The following TXNDC16 variants were observed in gnomAD, a reference collection of about 807,000 sequenced individuals.
TXNDC16 encodes the protein thioredoxin domain-containing protein 16.
Under a neutral mutation model 85.6 loss-of-function variants are expected in TXNDC16, and 74 were observed. The ratio of observed to expected loss-of-function variants is 0.86; its 90% CI spans 0.72 to 1.05. The LOEUF is 1.05. Ranked by LOEUF, TXNDC16 falls within the 50% of genes least tolerant of loss-of-function variation. The probability of loss-of-function intolerance (pLI) is 0.00; values close to 1 mark genes in which losing one functional copy is unlikely to be tolerated. For missense variants in TXNDC16, 959 were observed against 947.0 expected (o/e 1.01, Z -0.17); for synonymous variants, 335 against 326.5 (o/e 1.03, Z -0.28).
At chr14:52,491,751 T>A (rs1363711608) in intron 9 of TXNDC16, among the ~76,000 whole-genome samples, 3 of 152,062 alleles carry the variant, frequency 2.0e-5, no homozygotes, top group Non-Finnish European at 4.4e-5. Flanking sequence ...AATACACACA[T>A]CTAATTTCAC....
At chr14:52,470,820 A>G (rs2140132455) in intron 14 of TXNDC16, 140 bp from the exon 15 acceptor site, 1 of 724,828 alleles carries the variant, frequency 1.4e-6, no homozygotes, top group Non-Finnish European at 2.1e-6. Context: ...TCTTCCCTTG[A>G]TCTTTGCAAC....
Position 52,511,328 on chromosome 14 carries a change from G to C in TXNDC16, c.668C>G (p.Thr223Ser), listed in dbSNP as rs770249163. Reference sequence around the variant, plus strand: ...CATTAGTGTTCTTCTACATTGCTGGGTCAAGTCCAAGACTAGTTTACAATG... The same window carrying C: ...CATTAGTGTTCTTCTACATTGCTGGCTCAAGTCCAAGACTAGTTTACAATG... ...FFHCKLVLDL[T>S]QQCRRTLMEQ... Residue 223 changes from threonine to serine, a missense_variant, in exon 9 of 21, where the codon ACC (threonine) becomes AGC (serine). Physicochemically the swap from Thr to Ser is moderately conservative, Grantham distance 58 (BLOSUM62 1). Coordinates refer to ENST00000281741, the MANE Select transcript of TXNDC16 (RefSeq NM_020784.3). 1 of 1,607,634 alleles carries C rather than the reference G, an allele frequency of 6.2e-7. No homozygotes were observed. The highest frequency in any genetic ancestry group is 1.1e-5 in the South Asian group (1 of 90,208).
intron 9 of TXNDC16, among the ~76,000 whole-genome samples, chr14:52,509,847 G>A (rs1316712345): frequency 1.3e-5 from 2 of 151,984 alleles, no homozygotes; most frequent in Non-Finnish European, 2.9e-5. Flanking sequence ...AGGTGTGGTG[G>A]CAGGTGCCTG....
intron 6 of TXNDC16, among the ~76,000 whole-genome samples, chr14:52,533,782 T>C (rs535944318): frequency 7.2e-5 from 11 of 152,238 alleles, no homozygotes; most frequent in East Asian, 1.9e-4. Context: ...CACTTCTTTA[T>C]GGACCCATGG....
intron 4 of TXNDC16, among the ~76,000 whole-genome samples, chr14:52,538,211 T>TAA (rs1409513966): frequency 6.6e-6 from 1 of 152,340 alleles, no homozygotes; most frequent in South Asian, 2.1e-4. Context: ...GGCTGACTGA[T>TAA]ACTTTTGCTC....
intron 18 of TXNDC16, among the ~76,000 whole-genome samples, chr14:52,452,907 G>T (rs1396420859): frequency 6.6e-6 from 1 of 152,058 alleles, no homozygotes; most frequent in African/African-American, 2.4e-5. Flanking sequence ...CCCACAGAAT[G>T]GGAGAAAATA....
intron 8 of TXNDC16, among the ~76,000 whole-genome samples, chr14:52,511,705 T>C (rs1460106050): frequency 6.6e-6 from 1 of 152,162 alleles, no homozygotes; most frequent in Non-Finnish European, 1.5e-5. Context: ...CATAAAAAGC[T>C]GTCACCTTGC....
At chr14:52,439,033 G>C (rs920053050) in intron 20 of TXNDC16, among the ~76,000 whole-genome samples, 171 bp downstream of exon 20, 3 of 152,150 alleles carry the variant, frequency 2.0e-5, no homozygotes, top group African/African-American at 7.2e-5. Context: ...CAGGGGAGCC[G>C]ATCACTGACT....
chr14:52,537,485 T>G, intron 5 of TXNDC16, 114 bp downstream of exon 5: 1 of 768,650 alleles, frequency 1.3e-6, no homozygotes, highest in East Asian at 2.7e-5. Flanking sequence ...TGGTTAAGCT[T>G]TACATGATCC....
At chr14:52,548,775 A>G (rs1438061092) in intron 1 of TXNDC16, among the ~76,000 whole-genome samples, 2 of 152,102 alleles carry the variant, frequency 1.3e-5, no homozygotes, top group African/African-American at 2.4e-5. Context: ...CCAGCTACTC[A>G]GGAGGCTGAG....
At chr14:52,505,152 G>C (rs2036764170) in intron 9 of TXNDC16, among the ~76,000 whole-genome samples, 2 of 152,120 alleles carry the variant, frequency 1.3e-5, no homozygotes, top group African/African-American at 2.4e-5. Context: ...GTCAACATTA[G>C]ACAGATCAAT....
intron 14 of TXNDC16, among the ~76,000 whole-genome samples, chr14:52,474,033 C>G (rs893426536): frequency 1.3e-5 from 2 of 151,674 alleles, no homozygotes; most frequent in Admixed American, 1.3e-4. Context: ...ATCTGATTAC[C>G]AAAAAAAATT....
intron 18 of TXNDC16, among the ~76,000 whole-genome samples, chr14:52,444,220 A>G (rs781382): frequency 0.1 from 15,960 of 152,206 alleles, 1,002 homozygotes; most frequent in East Asian, 0.18. Flanking sequence ...TATATAACAG[A>G]CTATAACTGT....
At chr14:52,469,142 T>A (rs965833027) in intron 16 of TXNDC16, among the ~76,000 whole-genome samples, 3 of 151,602 alleles carry the variant, frequency 2.0e-5, no homozygotes, top group African/African-American at 7.3e-5. Flanking sequence ...AGCTCAGAAG[T>A]TCAAGACCAG....
intron 16 of TXNDC16, among the ~76,000 whole-genome samples, chr14:52,459,529 T>C (rs1255413516): frequency 6.6e-6 from 1 of 152,170 alleles, no homozygotes; most frequent in Non-Finnish European, 1.5e-5. Context: ...ATTGAAACTA[T>C]TCCCAAAAAT....
intron 9 of TXNDC16, among the ~76,000 whole-genome samples, chr14:52,508,742 A>C (rs986996947): frequency 1.3e-5 from 2 of 152,234 alleles, no homozygotes; most frequent in African/African-American, 4.8e-5. Flanking sequence ...AGCCTTAAAA[A>C]ATGATGAGTT....
At chr14:52,444,887 T>A (rs2035243269) in intron 18 of TXNDC16, among the ~76,000 whole-genome samples, 1 of 152,068 alleles carries the variant, frequency 6.6e-6, no homozygotes, top group South Asian at 2.1e-4. Flanking sequence ...TTCCCTGAAT[T>A]ATAAATAAAA....
Position 52,470,079 on chromosome 14 carries a change from T to TAGAATA in TXNDC16, c.1570_1575dup (p.Tyr524_Ser525dup). 6.2e-7 allele frequency: 1 copy of TAGAATA among 1,611,528 alleles called. No homozygotes were observed. The highest frequency in any genetic ancestry group is 8.5e-7 in the Non-Finnish European group (1 of 1,178,794). ...CTAAATAGTCCCAATACTGACACACTAGAATACAAGATGAGGTCTTTATAT... is the reference window on the plus strand; with the variant it reads ...CTAAATAGTCCCAATACTGACACACTAGAATAAGAATACAAGATGAGGTCTTTATAT... On this transcript the variant is annotated inframe_insertion, in exon 16 of 21. Coordinates refer to ENST00000281741, the MANE Select transcript of TXNDC16 (RefSeq NM_020784.3).
chr14:52,449,792 CAA>C (rs1226329945), intron 18 of TXNDC16, among the ~76,000 whole-genome samples: 2 of 151,994 alleles, frequency 1.3e-5, no homozygotes, highest in African/African-American at 2.4e-5. Context: ...AAATCAATAA[CAA>C]GAGCAATTTT....
Sources: allele counts gnomAD v4.1 joint callset (sites outside exome capture counted in the v4.1 genomes callset), GRCh38; gene constraint gnomAD v4.1.1; transcripts MANE v1.5; gene names NCBI Gene and HGNC (gene_info 2026-07-23, HGNC 2026-07-21).